ARHGAP15: variants seen among roughly 807,000 people sequenced by gnomAD.
ARHGAP15 encodes the protein Rho GTPase activating protein 15, also known as rho GTPase-activating protein 15.
ARHGAP15 carries 51 observed loss-of-function variants against 63.7 expected under a neutral mutation model. The observed-to-expected ratio is 0.80, with a 90% confidence interval of 0.64 to 1.01. The LOEUF (loss-of-function observed/expected upper bound fraction) is 1.01, where lower values mean the gene tolerates loss of function less well. ARHGAP15 is among the 50% of genes least tolerant of loss of function. The pLI is 0.00. For missense variants in ARHGAP15, 560 were observed against 564.6 expected, an observed-to-expected ratio of 0.99 and a Z score of 0.08; for synonymous variants, 191 against 193.8, an observed-to-expected ratio of 0.99 and a Z score of 0.12.
rs1260630423 is a variant in ARHGAP15, at chr2:143,305,578, A to T, written c.474+54978A>T. The stretch of plus-strand genomic sequence containing the variant: ...AACCAAATAAAATTACTAATTTTGT[A>T]GTTTAAAATGGTCAAATATTGGCTC... On this transcript the variant is annotated intron_variant, in intron 6 of 13. Coordinates refer to ENST00000295095, the MANE Select transcript of ARHGAP15 (RefSeq NM_018460.4). 5 of 152,132 alleles carry T rather than the reference A, an allele frequency of 3.3e-5. No homozygotes were observed. The South Asian group carries it at 1.0e-3, about 31-fold the overall frequency. The allele number at this position is 152,132 out of a possible 1,614,324, so 9.4% of individuals were successfully genotyped here. A position where few individuals can be genotyped will look rare whatever the true frequency, so the allele number is the denominator to read the frequency against.
chr2:143,629,009 G>C (rs1008529325), intron 12 of ARHGAP15, among the ~76,000 whole-genome samples: 4 of 152,068 alleles, frequency 2.6e-5, no homozygotes, highest in Admixed American at 1.3e-4. Context: ...ACAGAATTTT[G>C]CATCCAACTG....
chr2:143,667,205 T>A (rs1305706544), intron 12 of ARHGAP15, among the ~76,000 whole-genome samples: 2 of 147,958 alleles, frequency 1.4e-5, no homozygotes, highest in Admixed American at 1.4e-4. Context: ...ATTAAGAAAA[T>A]GTGGCACATA....
At chr2:143,413,971 G>GCGCGCGCGTGCGCA (rs147891307) in intron 6 of ARHGAP15, among the ~76,000 whole-genome samples, 2 of 147,640 alleles carry the variant, frequency 1.4e-5, no homozygotes, top group Non-Finnish European at 1.5e-5. Flanking sequence ...GTGTGTGCGC[G>GCGCGCGCGTGCGCA]CTCTCTGGCA....
chr2:143,695,160 G>A (rs1306156165), intron 12 of ARHGAP15, among the ~76,000 whole-genome samples: 2 of 151,984 alleles, frequency 1.3e-5, no homozygotes, highest in East Asian at 3.9e-4. Context: ...TAAAAAAAAG[G>A]TTGTAAAACC....
At chr2:143,679,042 A>T (rs1408751032) in intron 12 of ARHGAP15, among the ~76,000 whole-genome samples, 1 of 152,208 alleles carries the variant, frequency 6.6e-6, no homozygotes, top group Non-Finnish European at 1.5e-5. Context: ...TGTAGTAAGT[A>T]GGAAAGTCTG....
At chr2:143,416,284 T>G (rs1035689381) in intron 6 of ARHGAP15, among the ~76,000 whole-genome samples, 1 of 152,132 alleles carries the variant, frequency 6.6e-6, no homozygotes, top group African/African-American at 2.4e-5. Context: ...TGAAGTTACT[T>G]GGTCTCGTGG....
At chr2:143,142,295 C>T (rs1212585334) in intron 1 of ARHGAP15, among the ~76,000 whole-genome samples, 1 of 152,026 alleles carries the variant, frequency 6.6e-6, no homozygotes, top group Non-Finnish European at 1.5e-5. Context: ...CTCCAAATAA[C>T]TTCTGTATAT....
intron 11 of ARHGAP15, among the ~76,000 whole-genome samples, chr2:143,594,490 C>A (rs558753629): frequency 6.6e-6 from 1 of 152,174 alleles, no homozygotes; most frequent in East Asian, 1.9e-4. Flanking sequence ...GTTATAGTAT[C>A]CCAGTTTGGA....
chr2:143,599,263 T>C (rs553015560), intron 11 of ARHGAP15, among the ~76,000 whole-genome samples: 2 of 152,298 alleles, frequency 1.3e-5, no homozygotes, highest in East Asian at 3.9e-4. Context: ...ACCATGTTAA[T>C]GAACTCAGAC....
At chr2:143,289,348 T>A (rs765459732) in intron 6 of ARHGAP15, among the ~76,000 whole-genome samples, 1 of 152,232 alleles carries the variant, frequency 6.6e-6, no homozygotes, top group Non-Finnish European at 1.5e-5. Flanking sequence ...TACTGTTAGA[T>A]TGACTAGGCT....
chr2:143,616,286 A>G (rs1698446676), intron 11 of ARHGAP15, among the ~76,000 whole-genome samples: 1 of 152,204 alleles, frequency 6.6e-6, no homozygotes. Context: ...CCTGCTTCGC[A>G]AGTTTCAGTT....
chr2:143,606,622 T>C (rs922587675), intron 11 of ARHGAP15: 5 of 152,186 alleles, frequency 3.3e-5, no homozygotes, highest in African/African-American at 1.2e-4. Flanking sequence ...ACAACTCCTA[T>C]TTTTTGTCAG....
intron 12 of ARHGAP15, among the ~76,000 whole-genome samples, chr2:143,657,953 G>T (rs1157027962): frequency 6.6e-6 from 1 of 152,190 alleles, no homozygotes; most frequent in Non-Finnish European, 1.5e-5. Context: ...TGTCATAACA[G>T]TTCTCTCCTA....
intron 6 of ARHGAP15, among the ~76,000 whole-genome samples, chr2:143,414,372 T>C (rs1177535561): frequency 6.6e-6 from 1 of 151,704 alleles, no homozygotes; most frequent in Non-Finnish European, 1.5e-5. Flanking sequence ...GATAAGAAAA[T>C]GGCTACAAGT....
chr2:143,678,556 T>G (rs918920126), intron 12 of ARHGAP15, among the ~76,000 whole-genome samples: 4 of 152,216 alleles, frequency 2.6e-5, no homozygotes, highest in Non-Finnish European at 1.5e-5. Flanking sequence ...ATTTCATCTC[T>G]GCCCAAAACT....
chr2:143,737,726 T>A (rs887873475), intron 13 of ARHGAP15, among the ~76,000 whole-genome samples: 1 of 146,704 alleles, frequency 6.8e-6, no homozygotes, highest in African/African-American at 2.5e-5. Context: ...AACCTATTTA[T>A]TTTATTTATT....
At chr2:143,272,709 T>C (rs755544099) in intron 6 of ARHGAP15, among the ~76,000 whole-genome samples, 4 of 152,174 alleles carry the variant, frequency 2.6e-5, no homozygotes, top group Non-Finnish European at 5.9e-5. Context: ...CCAGGTGATC[T>C]AAAGTATTTA....
intron 6 of ARHGAP15, among the ~76,000 whole-genome samples, chr2:143,420,455 T>C (rs953399236): frequency 6.6e-6 from 1 of 152,146 alleles, no homozygotes; most frequent in Non-Finnish European, 1.5e-5. Flanking sequence ...TGCCATCACA[T>C]CATCTGGGTT....
intron 11 of ARHGAP15, among the ~76,000 whole-genome samples, chr2:143,611,866 CT>C (rs1237568152): frequency 6.6e-6 from 1 of 152,202 alleles, no homozygotes; most frequent in African/African-American, 2.4e-5. Context: ...TTCATTCCCC[CT>C]TTACCACCCC....
Sources: gnomAD v4.1 joint callset for allele counts (sites outside exome capture counted in the v4.1 genomes callset) on GRCh38, gnomAD v4.1.1 for gene constraint, MANE v1.5 for transcripts, NCBI Gene and HGNC (gene_info 2026-07-23, HGNC 2026-07-21) for gene names.